NTRK3: variants seen among roughly 807,000 people sequenced by gnomAD.
NTRK3 encodes the protein neurotrophic receptor tyrosine kinase 3, also known as NT-3 growth factor receptor.
In NTRK3, 24 loss-of-function variants were observed where a neutral mutation model predicts 91.7. That is an observed-to-expected ratio of 0.26 (90% CI 0.19 to 0.37). The LOEUF (loss-of-function observed/expected upper bound fraction) is 0.37, where lower values mean the gene tolerates loss of function less well. Among genes scored for constraint, NTRK3 ranks in the 10% least tolerant of loss-of-function variants. The probability of loss-of-function intolerance (pLI) is 1.00; values close to 1 mark genes in which losing one functional copy is unlikely to be tolerated. For synonymous variants in NTRK3, 483 were observed against 404.0 expected, an observed-to-expected ratio of 1.20 and a Z score of -2.34; for missense variants, 880 against 1,068.9, an observed-to-expected ratio of 0.82 and a Z score of 2.46.
intron 17 of NTRK3, among the ~76,000 whole-genome samples, chr15:87,921,029 T>A (rs980767243): frequency 6.6e-6 from 1 of 152,182 alleles, no homozygotes; most frequent in Non-Finnish European, 1.5e-5. Flanking sequence ...TTCCATACGA[T>A]GCCAACAGGA....
At chr15:87,955,954 C>T (rs13380271) in intron 14 of NTRK3, among the ~76,000 whole-genome samples, 71,755 of 151,792 alleles carry the variant, frequency 0.47, 17,858 homozygotes, top group African/African-American at 0.63. Flanking sequence ...TGGAGCTCAT[C>T]GGTATAGAGA....
chr15:87,892,822 T>C (rs1452927575), intron 17 of NTRK3, among the ~76,000 whole-genome samples: 1 of 152,116 alleles, frequency 6.6e-6, no homozygotes, highest in Non-Finnish European at 1.5e-5. Context: ...TAAAATTCAG[T>C]GGGGTAACTG....
chr15:88,168,047 G>T (rs992385082), intron 5 of NTRK3, among the ~76,000 whole-genome samples: 1 of 152,106 alleles, frequency 6.6e-6, no homozygotes, highest in African/African-American at 2.4e-5. Context: ...CCAAGATCTC[G>T]CAGCTGGTCA....
At chr15:88,186,299 G>C (rs554794830) in intron 3 of NTRK3, among the ~76,000 whole-genome samples, 1 of 152,096 alleles carries the variant, frequency 6.6e-6, no homozygotes, top group Non-Finnish European at 1.5e-5. Flanking sequence ...GTGTTGTTAC[G>C]GTTGAGTTGT....
At chr15:88,228,816 C>T (rs1456698947) in intron 3 of NTRK3, among the ~76,000 whole-genome samples, 2 of 152,156 alleles carry the variant, frequency 1.3e-5, no homozygotes, top group Non-Finnish European at 2.9e-5. Context: ...GCCCCCTTCA[C>T]CTCACCTTGC....
rs578216643 is a variant in NTRK3 at position 88,252,814 on chromosome 15, G to A, written c.248+3092C>T. 7.9e-5 allele frequency: 12 copies of A among 152,448 alleles called. No homozygotes were observed. In the East Asian group the frequency reaches 1.4e-3, roughly 17 times the overall value. The allele number at this position is 152,448 out of a possible 1,614,324, so 9.4% of individuals were successfully genotyped here. ...GGCCCTTTGGAGGAGCGTGGCTCTG[G>A]TGAGGGGTGGAGGTGAGACCCACAC... On this transcript the variant is annotated intron_variant, in intron 3 of 18. Coordinates refer to ENST00000394480, the Ensembl canonical transcript of NTRK3.
chr15:87,945,281 G>C (rs1209212602), intron 14 of NTRK3, among the ~76,000 whole-genome samples: 1 of 152,242 alleles, frequency 6.6e-6, no homozygotes, highest in Non-Finnish European at 1.5e-5. Context: ...GGTTCCACCA[G>C]AGGAAGCCAC....
intron 3 of NTRK3, among the ~76,000 whole-genome samples, chr15:88,247,094 C>A (rs4887399): frequency 0.81 from 123,226 of 152,238 alleles, 50,807 homozygotes; most frequent in East Asian, 0.97. Flanking sequence ...ACAGAAGAGA[C>A]GCACTTGTGC....
At chr15:87,935,500 A>C (rs1006713967) in intron 15 of NTRK3, among the ~76,000 whole-genome samples, 5 of 152,214 alleles carry the variant, frequency 3.3e-5, no homozygotes, top group African/African-American at 1.2e-4. Context: ...TCCCAGCAGC[A>C]GCCTTGAGCT....
chr15:87,941,488 C>G (rs996788416), intron 14 of NTRK3, among the ~76,000 whole-genome samples: 1 of 152,094 alleles, frequency 6.6e-6, no homozygotes, highest in Non-Finnish European at 1.5e-5. Context: ...CACACACACA[C>G]ACACACACAA....
chr15:88,120,412 C>T lies in NTRK3; in HGVS notation c.1396+5859G>A, dbSNP rs150920322. On this transcript the variant is annotated intron_variant, in intron 13 of 18. Transcript: ENST00000394480. ...TGGAACAGTCCTGCAAGTGCTCATCCGCAGGCCCATCAGAGGCACCAGCAC... is the reference window on the plus strand; with the variant it reads ...TGGAACAGTCCTGCAAGTGCTCATCTGCAGGCCCATCAGAGGCACCAGCAC... Among the ~76,000 whole-genome samples the T allele has an allele frequency of 5.0e-3, 767 of 152,298 alleles. 8 individuals carry two copies. Among genetic ancestry groups the T allele is most frequent in the African/African-American group, 0.017 (716 of 41,560 alleles).
intron 3 of NTRK3, among the ~76,000 whole-genome samples, chr15:88,254,392 GC>G (rs1359585330): frequency 6.6e-6 from 1 of 152,154 alleles, no homozygotes; most frequent in Non-Finnish European, 1.5e-5. Flanking sequence ...CCGCCCCTTG[GC>G]TGTTTATCTT....
At chr15:87,959,925 C>T (rs1297425269) in intron 14 of NTRK3, among the ~76,000 whole-genome samples, 2 of 152,162 alleles carry the variant, frequency 1.3e-5, no homozygotes, top group South Asian at 4.1e-4. Context: ...AAGTTGAATT[C>T]TCAGACATGT....
chr15:87,889,966 A>ATTTATTTATTTATTTAT (rs1555430512), intron 17 of NTRK3, among the ~76,000 whole-genome samples: 5 of 149,880 alleles, frequency 3.3e-5, no homozygotes, highest in African/African-American at 1.2e-4. Flanking sequence ...TTATTTATTT[A>ATTTATTTATTTATTTAT]TTTATTTATT....
At chr15:88,002,932 A>G (rs952995718) in intron 14 of NTRK3, among the ~76,000 whole-genome samples, 3 of 152,122 alleles carry the variant, frequency 2.0e-5, no homozygotes, top group Middle Eastern at 3.2e-3. Flanking sequence ...CAGATATTCA[A>G]TGAGTCCCAG....
intron 13 of NTRK3, among the ~76,000 whole-genome samples, chr15:88,073,210 C>T (rs924799435): frequency 7.2e-5 from 11 of 152,204 alleles, no homozygotes; most frequent in African/African-American, 2.2e-4. Flanking sequence ...CCTTCTCCCA[C>T]AATTGGAAGA....
intron 14 of NTRK3, among the ~76,000 whole-genome samples, chr15:88,028,379 T>A (rs182871131): frequency 1.8e-4 from 27 of 151,670 alleles, no homozygotes; most frequent in Non-Finnish European, 1.0e-4. Flanking sequence ...ATCAGCACAG[T>A]GGAAAGTGAC....
At chr15:88,094,972 C>A (rs947453545) in intron 13 of NTRK3, among the ~76,000 whole-genome samples, 2 of 152,216 alleles carry the variant, frequency 1.3e-5, no homozygotes, top group Admixed American at 1.3e-4. Context: ...GGATGGAAGT[C>A]TCACAGATCT....
intron 13 of NTRK3, among the ~76,000 whole-genome samples, chr15:88,053,175 T>C (rs2045379290): frequency 1.3e-5 from 2 of 152,100 alleles, no homozygotes; most frequent in Non-Finnish European, 2.9e-5. Context: ...AATAAATATA[T>C]GTCATTTGTC....
Sources: gnomAD v4.1 joint callset for allele counts (sites outside exome capture counted in the v4.1 genomes callset) on GRCh38, gnomAD v4.1.1 for gene constraint, MANE v1.5 for transcripts, NCBI Gene and HGNC (gene_info 2026-07-23, HGNC 2026-07-21) for gene names.